PCDHGB5: variants seen among roughly 807,000 people sequenced by gnomAD.
The protein encoded by PCDHGB5 is protocadherin gamma subfamily B, 5, also known as protocadherin gamma-B5.
Under a neutral mutation model 62.9 loss-of-function variants are expected in PCDHGB5, and 48 were observed. That is an observed-to-expected ratio of 0.76 (90% CI 0.61 to 0.97). The LOEUF is 0.97. PCDHGB5 is among the 50% of genes least tolerant of loss of function. The probability of loss-of-function intolerance (pLI) is 0.00; values close to 1 mark genes in which losing one functional copy is unlikely to be tolerated. For synonymous variants in PCDHGB5, 474 were observed against 511.2 expected, an observed-to-expected ratio of 0.93 and a Z score of 0.98; for missense variants, 1,118 against 1,198.6, an observed-to-expected ratio of 0.93 and a Z score of 0.99.
intron 1 of PCDHGB5, chr5:141,404,247 T>C: frequency 6.2e-7 from 1 of 1,613,870 alleles, no homozygotes; most frequent in Non-Finnish European, 8.5e-7. Flanking sequence ...ACTCCGCCCC[T>C]GTCCACAGAA....
Position 141,491,815 on chromosome 5 carries a change from C to T in PCDHGB5, c.2398-2992C>T. The T allele has an allele frequency of 6.7e-7, 1 of 1,485,264 alleles. No individual in the cohort carries two copies. Among genetic ancestry groups the T allele is most frequent in the African/African-American group, 1.4e-5 (1 of 70,622 alleles). The allele number at this position is 1,485,264 out of a possible 1,614,324, so 92.0% of individuals were successfully genotyped here. ...CCTCTCCGGCCGGCTTGGTCGCTGGCTGCGCTCCACCCGATTCTCGGGATC... is the reference window on the plus strand; with the variant it reads ...CCTCTCCGGCCGGCTTGGTCGCTGGTTGCGCTCCACCCGATTCTCGGGATC... On this transcript the variant is annotated intron_variant, in intron 1 of 3. Coordinates refer to ENST00000617380, the MANE Select transcript of PCDHGB5 (RefSeq NM_018925.3). This position sits in a 1 kb window ranked among gnomAD's most constrained non-coding sequence, Gnocchi z 6.9.
chr5:141,476,741 A>G lies in PCDHGB5; in HGVS notation c.2398-18066A>G, dbSNP rs1430298222. On this transcript the variant is annotated intron_variant, in intron 1 of 3. Transcript: ENST00000617380. The surrounding 1 kb of genome is among the most constrained non-coding windows in gnomAD (Gnocchi z 7.6). ...CGCCCTGGACCGAGAACGGGAGCCT[A>G]GTCTCCAGTTAGTGCTGACGGCGTT... The G allele has an allele frequency of 6.2e-7, 1 of 1,613,936 alleles. No individual in the cohort carries two copies. Among genetic ancestry groups the G allele is most frequent in the Non-Finnish European group, 8.5e-7 (1 of 1,180,032 alleles).
chr5:141,478,736 T>C (rs2099474016), intron 1 of PCDHGB5: 1 of 1,534,678 alleles, frequency 6.5e-7, no homozygotes, highest in African/African-American at 1.4e-5. Flanking sequence ...GTGTGGTTTG[T>C]GGTCCCATTT....
Position 141,476,500 on chromosome 5 carries a change from C to A in PCDHGB5, c.2398-18307C>A. The A allele has an allele frequency of 6.2e-7, 1 of 1,613,874 alleles. No homozygotes were observed. The highest frequency in any genetic ancestry group is 8.5e-7 in the Non-Finnish European group (1 of 1,179,950). ...GCGTGGAAGTGGTGATCCAGGACAT[C>A]AACGACAACAATCCTGCTTTCCCTA... On this transcript the variant is annotated intron_variant, in intron 1 of 3. Coordinates refer to ENST00000617380, the MANE Select transcript of PCDHGB5 (RefSeq NM_018925.3). The surrounding 1 kb of genome is among the most constrained non-coding windows in gnomAD (Gnocchi z 7.6).
chr5:141,448,335 A>T (rs567377336), intron 1 of PCDHGB5, among the ~76,000 whole-genome samples: 1 of 152,108 alleles, frequency 6.6e-6, no homozygotes, highest in Non-Finnish European at 1.5e-5. Flanking sequence ...CTTTATAGCC[A>T]TGTACCTCAA....
chr5:141,409,490 C>G (rs780688280), intron 1 of PCDHGB5: 12 of 1,613,892 alleles, frequency 7.4e-6, no homozygotes, highest in Non-Finnish European at 1.0e-5. Context: ...CAGGGGCAAG[C>G]CGCCTCTTTC....
At chr5:141,417,179 A>C (rs1015183950) in intron 1 of PCDHGB5, 1 of 152,194 alleles carries the variant, frequency 6.6e-6, no homozygotes, top group African/African-American at 2.4e-5. Context: ...GAAATAAGGA[A>C]TTATTACTTT....
chr5:141,430,707 C>T, intron 1 of PCDHGB5: 2 of 1,478,562 alleles, frequency 1.4e-6, no homozygotes, highest in Non-Finnish European at 9.0e-7. Flanking sequence ...GGAACTGCTC[C>T]TGACTTCAGT....
At position 141,486,804 on chromosome 5, in the gene PCDHGB5, C is replaced by G. The variant is rs755001457; in HGVS notation, c.2398-8003C>G. On this transcript the variant is annotated intron_variant, in intron 1 of 3. Transcript: ENST00000617380. This position sits in a 1 kb window ranked among gnomAD's most constrained non-coding sequence, Gnocchi z 5.0. ...CAGGCCCGGGATCGGGGCAACCCAC[C>G]CCTTAGCAGCACTGTAACAGTTCGT... 2 of 1,614,232 alleles carry G rather than the reference C, an allele frequency of 1.2e-6. No homozygotes were observed. The highest frequency in any genetic ancestry group is 3.3e-5 in the Admixed American group (2 of 60,032).
chr5:141,405,457 TTA>T, intron 1 of PCDHGB5: 1 of 1,256,670 alleles, frequency 8.0e-7, no homozygotes, highest in Non-Finnish European at 1.1e-6. Context: ...TCTTACTCTG[TTA>T]CCCAGGCTGG....
chr5:141,448,974 C>T (rs937711828), intron 1 of PCDHGB5, among the ~76,000 whole-genome samples: 5 of 151,994 alleles, frequency 3.3e-5, no homozygotes, highest in African/African-American at 1.2e-4. Context: ...CAAAAAAGAA[C>T]TTCCATATTA....
At chr5:141,467,064 T>C (rs1289790911) in intron 1 of PCDHGB5, among the ~76,000 whole-genome samples, 2 of 151,724 alleles carry the variant, frequency 1.3e-5, no homozygotes, top group Middle Eastern at 3.2e-3. Context: ...TCTTTTTTTT[T>C]TTTTTTTAGA....
chr5:141,439,289 T>C (rs1454088176), intron 1 of PCDHGB5, among the ~76,000 whole-genome samples: 1 of 151,850 alleles, frequency 6.6e-6, no homozygotes, highest in African/African-American at 2.4e-5. Flanking sequence ...CTGTGTTCCA[T>C]GGAAAAAGTA....
In PCDHGB5 at chr5:141,489,183, G is replaced by A. The variant is rs2099683673; in HGVS notation, c.2398-5624G>A. 7.9e-7 allele frequency: 1 copy of A among 1,270,400 alleles called. No individual in the cohort carries two copies. Among genetic ancestry groups the A allele is most frequent in the Non-Finnish European group, 1.1e-6 (1 of 913,958 alleles). The allele number at this position is 1,270,400 out of a possible 1,614,324, so 78.7% of individuals were successfully genotyped here. A position where few individuals can be genotyped will look rare whatever the true frequency, so the allele number is the denominator to read the frequency against. ...TTCAGCTGCTGCATTCCAAGCCCTGGGTCTACCTTGGAGACAGGACAGCAC... is the reference window on the plus strand; with the variant it reads ...TTCAGCTGCTGCATTCCAAGCCCTGAGTCTACCTTGGAGACAGGACAGCAC... On this transcript the variant is annotated intron_variant, in intron 1 of 3. Transcript: ENST00000617380. The surrounding 1 kb of genome is among the most constrained non-coding windows in gnomAD (Gnocchi z 4.5).
intron 3 of PCDHGB5, among the ~76,000 whole-genome samples, chr5:141,506,923 C>G: frequency 6.6e-6 from 1 of 152,184 alleles, no homozygotes; most frequent in African/African-American, 2.4e-5. Flanking sequence ...ACATACTAAA[C>G]AAACTTTAGG....
At chr5:141,507,704 G>A (rs989196400) in intron 3 of PCDHGB5, among the ~76,000 whole-genome samples, 5 of 152,210 alleles carry the variant, frequency 3.3e-5, no homozygotes, top group African/African-American at 9.6e-5. Context: ...AGTATTTATG[G>A]CCCCAAACCC....
chr5:141,423,078 C>A (rs752144906), intron 1 of PCDHGB5: 1 of 1,613,990 alleles, frequency 6.2e-7, no homozygotes, highest in Admixed American at 1.7e-5. Context: ...AGCCGGGACT[C>A]TTCGCGGTGG....
chr5:141,418,424 G>A lies in PCDHGB5; in HGVS notation c.2397+17900G>A, dbSNP rs1427064246. Reference sequence around the variant, plus strand: ...GGTGGAGAAAGACAATCCTGATGGTGGCAAATATCCAGAATTAGTATTGCA... The same window carrying A: ...GGTGGAGAAAGACAATCCTGATGGTAGCAAATATCCAGAATTAGTATTGCA... On this transcript the variant is annotated intron_variant, in intron 1 of 3. Coordinates refer to ENST00000617380, the MANE Select transcript of PCDHGB5 (RefSeq NM_018925.3). 1 of 1,613,974 alleles carries A rather than the reference G, an allele frequency of 6.2e-7. No individual in the cohort carries two copies. Among genetic ancestry groups the A allele is most frequent in the Non-Finnish European group, 8.5e-7 (1 of 1,179,872 alleles).
At chr5:141,498,971 GGGAAGGAAGGAAGGAAGGAA>G (rs201769957) in intron 2 of PCDHGB5, among the ~76,000 whole-genome samples, 1,566 of 111,048 alleles carry the variant, frequency 0.014, 32 homozygotes, top group African/African-American at 0.048. Flanking sequence ...GAGGGAGGGA[GGGAAGGAAGGAAGGAAGGAA>G]GGAAGGAAGG....
Sources: allele counts gnomAD v4.1 joint callset (sites outside exome capture counted in the v4.1 genomes callset), GRCh38; gene constraint gnomAD v4.1.1; non-coding constraint Gnocchi (gnomAD v3.1); transcripts MANE v1.5; gene names NCBI Gene and HGNC (gene_info 2026-07-23, HGNC 2026-07-21).